The following ARPP21 variants were observed in gnomAD, a reference collection of about 807,000 sequenced individuals.
ARPP21 encodes the protein cAMP regulated phosphoprotein 21, also known as cAMP-regulated phosphoprotein 21.
A neutral mutation model predicts 113.2 loss-of-function variants in ARPP21; 69 were observed. The ratio of observed to expected loss-of-function variants is 0.61; its 90% CI spans 0.50 to 0.74. The LOEUF is 0.74. ARPP21 is among the 30% of genes least tolerant of loss of function. The pLI is 0.00. For synonymous variants in ARPP21, 368 were observed against 375.5 expected (o/e 0.98, Z 0.23); for missense variants, 1,070 against 1,037.4 (o/e 1.03, Z -0.43).
At chr3:35,687,637 C>A in intron 5 of ARPP21, 102 bp from the exon 6 acceptor site, 1 of 1,078,024 alleles carries the variant, frequency 9.3e-7, no homozygotes, top group Non-Finnish European at 1.3e-6. Context: ...AAAATCTGCA[C>A]CTGGTTTTCA....
intron 19 of ARPP21, among the ~76,000 whole-genome samples, chr3:35,747,967 G>T (rs1034250740): frequency 6.7e-6 from 1 of 148,726 alleles, no homozygotes; most frequent in African/African-American, 2.5e-5. Flanking sequence ...AAGAAAGAGA[G>T]AGAGAGAGAG....
intron 5 of ARPP21, chr3:35,685,021 T>G (rs2080129556): frequency 1.0e-6 from 1 of 984,854 alleles, no homozygotes; most frequent in South Asian, 4.7e-5. Flanking sequence ...TATTAAATGT[T>G]GATTGATGGC....
At chr3:35,719,488 A>G (rs1311905869) in intron 13 of ARPP21, among the ~76,000 whole-genome samples, 10 of 152,196 alleles carry the variant, frequency 6.6e-5, no homozygotes, top group Admixed American at 6.5e-4. Context: ...GGAACTTCTT[A>G]CAGCTCTAAA....
intron 19 of ARPP21, among the ~76,000 whole-genome samples, chr3:35,783,299 C>T (rs1031318062): frequency 6.6e-6 from 1 of 152,100 alleles, no homozygotes; most frequent in African/African-American, 2.4e-5. Context: ...AGCCCCAAAC[C>T]CCAGACTTTT....
At chr3:35,682,998 T>C (rs2079424151) in intron 4 of ARPP21, 109 bp downstream of exon 4, 2 of 1,097,182 alleles carry the variant, frequency 1.8e-6, no homozygotes, top group Admixed American at 4.6e-5. Flanking sequence ...GTCCAGATAT[T>C]GTGGGGCATC....
intron 19 of ARPP21, among the ~76,000 whole-genome samples, chr3:35,786,741 C>T (rs2096642663): frequency 6.6e-6 from 1 of 152,082 alleles, no homozygotes; most frequent in African/African-American, 2.4e-5. Context: ...CCAGTAAAAT[C>T]GATGCCTTCC....
chr3:35,661,335 T>G (rs545256307), intron 1 of ARPP21, among the ~76,000 whole-genome samples: 1 of 152,236 alleles, frequency 6.6e-6, no homozygotes. Context: ...CTGTTAAAAC[T>G]TCACCTCCTC....
At chr3:35,663,202 C>A (rs1708605643) in intron 1 of ARPP21, among the ~76,000 whole-genome samples, 2 of 152,030 alleles carry the variant, frequency 1.3e-5, no homozygotes, top group Non-Finnish European at 2.9e-5. Context: ...TAAATGCTTA[C>A]CCCAGAATTG....
At position 35,767,965 on chromosome 3, in the gene ARPP21, C is replaced by T. The variant is rs937035554; in HGVS notation, c.2137+24000C>T. ...TGCACCCATGCTTTTCACCTCATCA[C>T]TCACACTTACACAGTTTCTGGCTCT... On this transcript the variant is annotated intron_variant, in intron 19 of 20. Transcript: ENST00000684406. Among the ~76,000 whole-genome samples the T allele has an allele frequency of 2.6e-5, 4 of 152,196 alleles. No individual in the cohort carries two copies. In the East Asian group the frequency reaches 5.8e-4, roughly 22 times the overall value.
At chr3:35,688,573 A>G (rs926543215) in intron 6 of ARPP21, among the ~76,000 whole-genome samples, 1 of 151,638 alleles carries the variant, frequency 6.6e-6, no homozygotes, top group African/African-American at 2.4e-5. Flanking sequence ...ACAGGCTTGC[A>G]GTAGACTTAA....
At chr3:35,772,369 C>A (rs562979138) in intron 19 of ARPP21, among the ~76,000 whole-genome samples, 2 of 152,220 alleles carry the variant, frequency 1.3e-5, no homozygotes, top group South Asian at 4.2e-4. Flanking sequence ...TTAAACAGAT[C>A]CAGTTTAGCC....
intron 1 of ARPP21, among the ~76,000 whole-genome samples, chr3:35,641,921 G>A (rs997389301): frequency 3.9e-5 from 6 of 152,100 alleles, no homozygotes; most frequent in African/African-American, 9.7e-5. Context: ...AAGATACGTG[G>A]ATTGCTATGC....
Position 35,738,210 on chromosome 3 carries a change from C to T in ARPP21, c.1645-4C>T. On this transcript the variant is annotated splice_region_variant and splice_polypyrimidine_tract_variant and intron_variant, in intron 16 of 20. Coordinates refer to ENST00000684406, the MANE Select transcript of ARPP21 (RefSeq NM_001385562.1). ...TCAGCTGATCAATTTTTTCTTTCCT[C>T]CAGTCTGTCCAGGGGCTGCAGGCTT... 1 of 1,527,666 alleles carries T rather than the reference C, an allele frequency of 6.5e-7. No homozygotes were observed. Among genetic ancestry groups the T allele is most frequent in the Non-Finnish European group, 8.8e-7 (1 of 1,138,906 alleles). 94.6% of individuals were successfully genotyped at this position (1,527,666 alleles called of 1,614,324 possible).
chr3:35,708,907 T>G, intron 10 of ARPP21, 62 bp from the exon 11 acceptor site: 1 of 1,131,516 alleles, frequency 8.8e-7, no homozygotes, highest in Admixed American at 1.8e-5. Flanking sequence ...TGACAGTTGC[T>G]TAACCACAGA....
At chr3:35,735,730 G>T (rs1440291489) in intron 15 of ARPP21, among the ~76,000 whole-genome samples, 1 of 152,194 alleles carries the variant, frequency 6.6e-6, no homozygotes, top group Non-Finnish European at 1.5e-5. Context: ...GGTTCCTAGA[G>T]AATATTTCTG....
chr3:35,771,454 G>T (rs1031721784), intron 19 of ARPP21, among the ~76,000 whole-genome samples: 5 of 151,866 alleles, frequency 3.3e-5, no homozygotes, highest in Admixed American at 3.3e-4. Context: ...TCAGCCTCCT[G>T]AGTAGCTGGG....
rs1490186088 is a variant in ARPP21 at position 35,737,370 on chromosome 3, G to C, written c.1644+8G>C. 6.3e-7 allele frequency: 1 copy of C among 1,595,548 alleles called. No homozygotes were observed. The highest frequency in any genetic ancestry group is 8.6e-7 in the Non-Finnish European group (1 of 1,167,708). On this transcript the variant is annotated splice_region_variant and intron_variant, in intron 16 of 20. Coordinates refer to ENST00000684406, the MANE Select transcript of ARPP21 (RefSeq NM_001385562.1). Reference sequence around the variant, plus strand: ...GGCCCTCTGGTCACTCAGGTAGGGGGCTGGTTGGAAGGCAGGGAAGGGAAG... The same window carrying C: ...GGCCCTCTGGTCACTCAGGTAGGGGCCTGGTTGGAAGGCAGGGAAGGGAAG...
At chr3:35,694,948 A>G (rs2083408387) in intron 9 of ARPP21, among the ~76,000 whole-genome samples, 1 of 147,574 alleles carries the variant, frequency 6.8e-6, no homozygotes. Context: ...ATATATATTT[A>G]TATAAATGTA....
At chr3:35,720,715 C>T (rs1192525504) in intron 13 of ARPP21, among the ~76,000 whole-genome samples, 1 of 152,160 alleles carries the variant, frequency 6.6e-6, no homozygotes, top group Admixed American at 6.5e-5. Context: ...ATGCAAATTT[C>T]GTCAAATTTC....
Sources: gnomAD v4.1 joint callset for allele counts (sites outside exome capture counted in the v4.1 genomes callset) on GRCh38, gnomAD v4.1.1 for gene constraint, MANE v1.5 for transcripts, NCBI Gene and HGNC (gene_info 2026-07-23, HGNC 2026-07-21) for gene names.